The following KRR1 variants were observed in gnomAD, a reference collection of about 807,000 sequenced individuals.
KRR1 encodes the protein KRR1 small subunit processome component.
In KRR1, 23 loss-of-function variants were observed where a neutral mutation model predicts 50.0. The ratio of observed to expected loss-of-function variants is 0.46; its 90% CI spans 0.33 to 0.65. The LOEUF (loss-of-function observed/expected upper bound fraction) is 0.65. KRR1 is among the 30% of genes least tolerant of loss of function. The pLI, the probability that KRR1 is intolerant of heterozygous loss-of-function variation, is 0.02. For missense variants in KRR1, 419 were observed against 442.4 expected (o/e 0.95, Z 0.47); for synonymous variants, 133 against 146.3 (o/e 0.91, Z 0.66).
In KRR1 at chr12:75,498,828, C is replaced by T. The variant is rs1340004131; in HGVS notation, c.*981G>A. The T allele has an allele frequency of 2.5e-6, 4 of 1,612,022 alleles. No homozygotes were observed. Among genetic ancestry groups the T allele is most frequent in the Non-Finnish European group, 3.4e-6 (4 of 1,178,574 alleles). On this transcript the variant is annotated 3_prime_UTR_variant, in exon 10 of 10. Coordinates refer to ENST00000229214, the MANE Select transcript of KRR1 (RefSeq NM_007043.7). ...TATTCTATGTTTGTTTCACAGGTTACTACTCTGTTGTATATCCAGGCTGGC... is the reference window on the plus strand; with the variant it reads ...TATTCTATGTTTGTTTCACAGGTTATTACTCTGTTGTATATCCAGGCTGGC...
chr12:75,508,716 C>T (rs1181940638), intron 1 of KRR1, among the ~76,000 whole-genome samples: 1 of 152,334 alleles, frequency 6.6e-6, no homozygotes. Flanking sequence ...AGCAGAAACC[C>T]TCTTCACACT....
Position 75,510,711 on chromosome 12 carries a change from T to C in KRR1, c.85+802A>G, listed in dbSNP as rs748317263. ...GGGTATGGTAATGCTCTATTTTACTTAGTCTGAATGCTAGTTTCCCGCATG... is the reference window on the plus strand; with the variant it reads ...GGGTATGGTAATGCTCTATTTTACTCAGTCTGAATGCTAGTTTCCCGCATG... On this transcript the variant is annotated intron_variant, in intron 1 of 9. Transcript: ENST00000229214. 1.1e-4 allele frequency among the ~76,000 whole-genome samples: 17 copies of C among 152,208 alleles called. 1 individual carries two copies. Among genetic ancestry groups the C allele is most frequent in the Non-Finnish European group, 4.4e-5 (3 of 68,022 alleles).
intron 5 of KRR1, 98 bp downstream of exon 5, chr12:75,506,218 A>AAG (rs2046420803): frequency 1.4e-6 from 1 of 705,670 alleles, no homozygotes; most frequent in Non-Finnish European, 2.3e-6. Context: ...GCACATTCTA[A>AAG]AGAAATAAAA....
rs1207140575 is a variant in KRR1, at chr12:75,496,771, A to G, written c.*3038T>C. The G allele has an allele frequency of 1.3e-5, 2 of 152,222 alleles. No individual in the cohort carries two copies. The highest frequency in any genetic ancestry group is 1.9e-4 in the East Asian group (1 of 5,192). 9.4% of individuals were successfully genotyped at this position (152,222 alleles called of 1,614,324 possible). A position where few individuals can be genotyped will look rare whatever the true frequency, so the allele number is the denominator to read the frequency against. ...AAAAGTGTTCCATTGCTCATGTTTTATAAGGTCCCTTGCAGGCCTAAAATT... is the reference window on the plus strand; with the variant it reads ...AAAAGTGTTCCATTGCTCATGTTTTGTAAGGTCCCTTGCAGGCCTAAAATT... On this transcript the variant is annotated 3_prime_UTR_variant, in exon 10 of 10. Transcript: ENST00000229214.
chr12:75,501,473 A>G (rs950979421), intron 9 of KRR1: 1 of 385,574 alleles, frequency 2.6e-6, no homozygotes, highest in African/African-American at 2.1e-5. Context: ...CTTTCACAAC[A>G]AAGAGTCTTT....
Position 75,499,064 on chromosome 12 carries a change from A to G in KRR1, c.*745T>C. 4 of 788,544 alleles carry G rather than the reference A, an allele frequency of 5.1e-6. No individual in the cohort carries two copies. Among genetic ancestry groups the G allele is most frequent in the Non-Finnish European group, 5.8e-6 (3 of 517,248 alleles). The allele number at this position is 788,544 out of a possible 1,614,324, so 48.8% of individuals were successfully genotyped here. On this transcript the variant is annotated 3_prime_UTR_variant, in exon 10 of 10. Coordinates refer to ENST00000229214, the MANE Select transcript of KRR1 (RefSeq NM_007043.7). ...ACCAATAACAATTAGGTGTACTTCT[A>G]TTTTAAAACATTTCAGAAAAAAATA...
intron 9 of KRR1, 114 bp from the exon 10 acceptor site, chr12:75,500,065 T>C: frequency 1.4e-6 from 1 of 740,184 alleles, no homozygotes; most frequent in Non-Finnish European, 2.1e-6. Context: ...AGAGTATTCT[T>C]ATAATTGAAT....
intron 3 of KRR1, 22 bp downstream of exon 3, chr12:75,506,760 G>T (rs781460873): frequency 6.3e-7 from 1 of 1,598,426 alleles, no homozygotes; most frequent in Non-Finnish European, 8.5e-7. Context: ...ACAAAGCAAA[G>T]TCTCTGTAAT....
At chr12:75,506,263 C>T in intron 5 of KRR1, 53 bp downstream of exon 5, 1 of 1,147,560 alleles carries the variant, frequency 8.7e-7, no homozygotes, top group Non-Finnish European at 1.3e-6. Flanking sequence ...ATATTATAAC[C>T]AAATTATTTG....
At chr12:75,504,469 A>G (rs1295177624) in intron 6 of KRR1, among the ~76,000 whole-genome samples, 1 of 152,140 alleles carries the variant, frequency 6.6e-6, no homozygotes, top group Non-Finnish European at 1.5e-5. Flanking sequence ...TCACGATTAC[A>G]GAAAACCAGT....
intron 7 of KRR1, chr12:75,502,674 A>C (rs2046403038): frequency 6.6e-6 from 1 of 152,080 alleles, no homozygotes; most frequent in Non-Finnish European, 1.5e-5. Context: ...GTATGGGGAA[A>C]CTTAAGTATG....
At position 75,500,087 on chromosome 12, in the gene KRR1, G is replaced by GATCACAGTATAAAATAT. The variant is rs1321712851; in HGVS notation, c.1004-153_1004-137dup. The GATCACAGTATAAAATAT allele has an allele frequency of 1.2e-5, 7 of 590,686 alleles. No individual in the cohort carries two copies. The East Asian group carries it at 2.4e-4, about 20-fold the overall frequency. The allele number at this position is 590,686 out of a possible 1,614,324, so 36.6% of individuals were successfully genotyped here. A position where few individuals can be genotyped will look rare whatever the true frequency, so the allele number is the denominator to read the frequency against. ...TCTTATAATTGAATAATTGAAAGGT[G>GATCACAGTATAAAATAT]ATCACAGTATAAAATATAAAAACAC... is the stretch of plus-strand genomic sequence containing the variant. On this transcript the variant is annotated intron_variant, in intron 9 of 9. Transcript: ENST00000229214.
Position 75,495,727 on chromosome 12 carries a change from TAAC to T in KRR1, c.*4079_*4081del. 1 of 958,816 alleles carries T rather than the reference TAAC, an allele frequency of 1.0e-6. No homozygotes were observed. The highest frequency in any genetic ancestry group is 1.6e-6 in the Non-Finnish European group (1 of 608,830). The allele number at this position is 958,816 out of a possible 1,614,324, so 59.4% of individuals were successfully genotyped here. ...AGTAACATGTAACTTTCTACAGAAT[TAAC>T]AATGAAACCATGTTTTATCTTAACG... On this transcript the variant is annotated 3_prime_UTR_variant, in exon 10 of 10. Transcript: ENST00000229214.
At chr12:75,511,056 T>G (rs190945975) in intron 1 of KRR1, among the ~76,000 whole-genome samples, 43 of 152,322 alleles carry the variant, frequency 2.8e-4, no homozygotes, top group Admixed American at 4.6e-4. Flanking sequence ...TCTTTCAAAA[T>G]GTCTTTACTG....
At chr12:75,501,400 A>G in intron 9 of KRR1, 1 of 229,428 alleles carries the variant, frequency 4.4e-6, no homozygotes, top group East Asian at 1.0e-4. Context: ...GAGGCATGAC[A>G]GCAGAGCTCA....
At chr12:75,503,761 C>A (rs2120611972) in intron 7 of KRR1, 143 bp downstream of exon 7, 1 of 677,858 alleles carries the variant, frequency 1.5e-6, no homozygotes, top group East Asian at 2.7e-5. Flanking sequence ...TTTATATTTA[C>A]CCTCAGTTTC....
chr12:75,498,456 G>T lies in KRR1; in HGVS notation c.*1353C>A. The T allele has an allele frequency of 2.5e-6, 1 of 393,908 alleles. No homozygotes were observed. The highest frequency in any genetic ancestry group is 4.5e-6 in the Non-Finnish European group (1 of 222,412). The allele number at this position is 393,908 out of a possible 1,614,324, so 24.4% of individuals were successfully genotyped here. On this transcript the variant is annotated 3_prime_UTR_variant, in exon 10 of 10. Coordinates refer to ENST00000229214, the MANE Select transcript of KRR1 (RefSeq NM_007043.7). ...TGTGTAAAATGATTTTCCATTTATA[G>T]TAATGGTATAGTTTCCTTTTTATAA... is the stretch of plus-strand genomic sequence containing the variant.
At position 75,508,357 on chromosome 12, in the gene KRR1, T is replaced by C. The variant is rs1418588553; in HGVS notation, c.175A>G (p.Ser59Gly). ...TATTTTGGGAACAAAGTTGCGAAAC[T>C]GCTCTCCTCCAAAAGTCCTCTGGGA... ...DNPRGLLEESSFATLFPKYRE... is the reference protein window; with the variant it reads ...DNPRGLLEESGFATLFPKYRE... The change falls in exon 2 of 10, where the codon AGT becomes GGT. Residue 59 changes from serine (S) to glycine (G), a missense_variant. Ser to Gly is a moderately conservative substitution (Grantham distance 56). Coordinates refer to ENST00000229214, the MANE Select transcript of KRR1 (RefSeq NM_007043.7). 6.2e-7 allele frequency: 1 copy of C among 1,613,688 alleles called. No individual in the cohort carries two copies. The highest frequency in any genetic ancestry group is 1.1e-5 in the South Asian group (1 of 91,060).
At chr12:75,508,531 T>G in intron 1 of KRR1, 85 bp from the exon 2 acceptor site, 5 of 957,578 alleles carry the variant, frequency 5.2e-6, no homozygotes, top group Non-Finnish European at 7.8e-6. Context: ...TTGGACACTT[T>G]ATGAACATCC....
Sources: allele counts gnomAD v4.1 joint callset (sites outside exome capture counted in the v4.1 genomes callset), GRCh38; gene constraint gnomAD v4.1.1; transcripts MANE v1.5; gene names NCBI Gene and HGNC (gene_info 2026-07-23, HGNC 2026-07-21).